Variants in PCDH9 observed in about 807,000 individuals in gnomAD.
PCDH9 encodes the protein protocadherin 9.
In PCDH9, 24 loss-of-function variants were observed where a neutral mutation model predicts 70.6. The observed-to-expected ratio is 0.34, with a 90% confidence interval of 0.25 to 0.48. The LOEUF is 0.48. PCDH9 is among the 20% of genes least tolerant of loss of function. PCDH9 has a pLI of 0.99. For synonymous variants in PCDH9, 562 were observed against 558.5 expected (o/e 1.01, Z -0.09); for missense variants, 1,281 against 1,503.6 (o/e 0.85, Z 2.45).
intron 3 of PCDH9, among the ~76,000 whole-genome samples, chr13:66,794,806 T>C (rs553742570): frequency 7.9e-5 from 12 of 152,264 alleles, no homozygotes; most frequent in African/African-American, 2.9e-4. Flanking sequence ...TGCTCTGTTA[T>C]TACCATTTTT....
intron 4 of PCDH9, among the ~76,000 whole-genome samples, chr13:66,315,717 G>A (rs983613814): frequency 5.3e-5 from 8 of 152,294 alleles, no homozygotes; most frequent in Middle Eastern, 3.4e-3. Flanking sequence ...CCGACCTCAG[G>A]TGATCTGCCC....
At chr13:67,169,720 T>C (rs1037301317) in intron 2 of PCDH9, among the ~76,000 whole-genome samples, 10 of 152,154 alleles carry the variant, frequency 6.6e-5, no homozygotes, top group Non-Finnish European at 4.4e-5. Flanking sequence ...TCCTGAAAAA[T>C]AATTAAGAGC....
At chr13:66,367,030 T>C (rs763823061) in intron 4 of PCDH9, among the ~76,000 whole-genome samples, 1 of 152,164 alleles carries the variant, frequency 6.6e-6, no homozygotes, top group Non-Finnish European at 1.5e-5. Context: ...TCACACATAA[T>C]GTATAAAATA....
chr13:66,634,528 A>G (rs969103133), intron 3 of PCDH9, among the ~76,000 whole-genome samples: 2 of 152,110 alleles, frequency 1.3e-5, no homozygotes, highest in African/African-American at 2.4e-5. Context: ...CCAGAACCAG[A>G]CCTCATGGCT....
At chr13:67,156,998 G>A (rs993840693) in intron 2 of PCDH9, among the ~76,000 whole-genome samples, 1 of 152,202 alleles carries the variant, frequency 6.6e-6, no homozygotes, top group Admixed American at 6.5e-5. Flanking sequence ...TTTCCTCAGA[G>A]CGTTCAACAT....
chr13:66,337,969 T>A (rs1337716607), intron 4 of PCDH9, among the ~76,000 whole-genome samples: 1 of 152,048 alleles, frequency 6.6e-6, no homozygotes, highest in African/African-American at 2.4e-5. Context: ...ATGCCCACAA[T>A]CAGGGAACAA....
intron 4 of PCDH9, among the ~76,000 whole-genome samples, chr13:66,440,182 G>A (rs946604519): frequency 2.0e-5 from 3 of 152,152 alleles, no homozygotes; most frequent in Admixed American, 1.3e-4. Context: ...GTGTAAGCAT[G>A]TGCTTTCATA....
chr13:66,451,596 T>G (rs1263935749), intron 4 of PCDH9, among the ~76,000 whole-genome samples: 1 of 152,192 alleles, frequency 6.6e-6, no homozygotes, highest in Non-Finnish European at 1.5e-5. Context: ...ACATTTTATA[T>G]TCAAAACACT....
chr13:66,355,228 T>G (rs1333467383), intron 4 of PCDH9, among the ~76,000 whole-genome samples: 1 of 152,036 alleles, frequency 6.6e-6, no homozygotes, highest in Non-Finnish European at 1.5e-5. Context: ...GTTGGTCCTG[T>G]TTATTCACAG....
intron 4 of PCDH9, among the ~76,000 whole-genome samples, chr13:66,490,597 CT>C (rs1285590461): frequency 3.3e-5 from 5 of 152,032 alleles, no homozygotes; most frequent in Admixed American, 2.0e-4. Context: ...TAATTTTTGT[CT>C]TTTTCAGATC....
intron 3 of PCDH9, among the ~76,000 whole-genome samples, chr13:66,731,970 A>G (rs551178189): frequency 5.9e-5 from 9 of 152,170 alleles, no homozygotes; most frequent in African/African-American, 2.2e-4. Context: ...GTGGAAGGCT[A>G]TAAGCAAGAG....
chr13:66,432,838 A>G (rs1291494731), intron 4 of PCDH9, among the ~76,000 whole-genome samples: 1 of 152,022 alleles, frequency 6.6e-6, no homozygotes, highest in Non-Finnish European at 1.5e-5. Context: ...CTAAGTCATT[A>G]TTTACCAAAT....
At chr13:66,897,905 C>G (rs979270500) in intron 3 of PCDH9, among the ~76,000 whole-genome samples, 4 of 152,056 alleles carry the variant, frequency 2.6e-5, no homozygotes, top group African/African-American at 9.7e-5. Flanking sequence ...AAATTATTTT[C>G]CAGGTCAATC....
chr13:66,948,985 C>T (rs1253491841), intron 2 of PCDH9, among the ~76,000 whole-genome samples: 1 of 151,898 alleles, frequency 6.6e-6, no homozygotes, highest in Non-Finnish European at 1.5e-5. Context: ...ATCTAGCATA[C>T]ATGCTAAATC....
At chr13:66,696,607 C>A (rs915022769) in intron 3 of PCDH9, among the ~76,000 whole-genome samples, 25 of 152,006 alleles carry the variant, frequency 1.6e-4, no homozygotes, top group African/African-American at 5.8e-4. Flanking sequence ...TTTCTAACAG[C>A]AAAACTGGAT....
intron 2 of PCDH9, among the ~76,000 whole-genome samples, chr13:67,110,469 G>A (rs7319642): frequency 2.0e-3 from 289 of 141,410 alleles, no homozygotes; most frequent in African/African-American, 6.3e-3. Flanking sequence ...AGCTGAGATC[G>A]TGCCACTGCA....
chr13:66,332,186 G>A (rs921584936), intron 4 of PCDH9, among the ~76,000 whole-genome samples: 2 of 152,070 alleles, frequency 1.3e-5, no homozygotes, highest in Non-Finnish European at 2.9e-5. Context: ...AAACTTCTGA[G>A]GCATTTAGAA....
chr13:67,128,006 T>G (rs185730812), intron 2 of PCDH9, among the ~76,000 whole-genome samples: 1 of 152,278 alleles, frequency 6.6e-6, no homozygotes, highest in East Asian at 1.9e-4. Context: ...AGCGGTATTC[T>G]CATCAAAGTA....
At chr13:66,726,013 C>T (rs1050268977) in intron 3 of PCDH9, among the ~76,000 whole-genome samples, 6 of 152,108 alleles carry the variant, frequency 3.9e-5, no homozygotes, top group African/African-American at 1.4e-4. Flanking sequence ...TTTGCATCAA[C>T]GTATACAATG....
Sources: gnomAD v4.1 joint callset for allele counts (sites outside exome capture counted in the v4.1 genomes callset) on GRCh38, gnomAD v4.1.1 for gene constraint, MANE v1.5 for transcripts, NCBI Gene and HGNC (gene_info 2026-07-23, HGNC 2026-07-21) for gene names.